Variants in ITFG2 observed in about 807,000 individuals in gnomAD.
The protein encoded by ITFG2 is KICSTOR complex protein ITFG2.
A neutral mutation model predicts 54.4 loss-of-function variants in ITFG2; 36 were observed. That is an observed-to-expected ratio of 0.66 (90% CI 0.51 to 0.87). The LOEUF (loss-of-function observed/expected upper bound fraction) is 0.87, where lower values mean the gene tolerates loss of function less well. Among genes scored for constraint, ITFG2 ranks in the 40% least tolerant of loss-of-function variants. The pLI is 0.00. For missense variants in ITFG2, 524 were observed against 576.7 expected, an observed-to-expected ratio of 0.91 and a Z score of 0.94; for synonymous variants, 211 against 225.4, an observed-to-expected ratio of 0.94 and a Z score of 0.57.
intron 3 of ITFG2, chr12:2,859,066 C>T: frequency 6.2e-7 from 1 of 1,608,080 alleles, no homozygotes; most frequent in Non-Finnish European, 8.5e-7. Flanking sequence ...CTCCAGGATT[C>T]AGGGGTTCTG....
rs1254967323 is a variant in ITFG2, at chr12:2,817,316, A to G, written c.190A>G (p.Met64Val). The G allele has an allele frequency of 6.2e-7, 1 of 1,610,562 alleles. No individual in the cohort carries two copies. The highest frequency in any genetic ancestry group is 8.5e-7 in the Non-Finnish European group (1 of 1,177,362). Residue 64 changes from methionine (M) to valine (V), a missense_variant and splice_region_variant, in exon 2 of 12, where the codon ATG becomes GTG. By Grantham distance (21) the Met-to-Val change is conservative. Transcript: ENST00000228799. The stretch of plus-strand genomic sequence containing the variant: ...ATGGCTCACCTGTTCCTGCCAGGGA[A>G]TGGTCAGTATTCACTTCCCTGGGCC... ...RPWLTCSCQG[M>V]LTCVGVGDVC...
upstream of ITFG2, chr12:2,834,971 A>C: frequency 4.4e-6 from 7 of 1,583,700 alleles, no homozygotes; most frequent in Non-Finnish European, 6.0e-6. Context: ...GAAAGAGGAA[A>C]AATAAATAAC....
chr12:2,854,164 T>G (rs1313797526), intron 2 of ITFG2, among the ~76,000 whole-genome samples: 3 of 152,198 alleles, frequency 2.0e-5, no homozygotes, highest in Non-Finnish European at 4.4e-5. Flanking sequence ...TAGCTGGGAT[T>G]GCAGGCACCC....
chr12:2,854,757 A>G (rs2098081887), intron 2 of ITFG2: 1 of 879,446 alleles, frequency 1.1e-6, no homozygotes, highest in Non-Finnish European at 1.7e-6. Context: ...CCTTCCAGCT[A>G]CACTCAGAAA....
At chr12:2,815,867 TTTTGTTTTGTTTTTTGAGACAGG>T (rs1487269058) in intron 1 of ITFG2, among the ~76,000 whole-genome samples, 3 of 151,960 alleles carry the variant, frequency 2.0e-5, no homozygotes, top group Admixed American at 1.3e-4. Context: ...CAAAAGATTG[TTTTGTTTTGTTTTTTGAGACAGG>T]GTCTTGTTCT....
chr12:2,819,945 G>A, intron 4 of ITFG2, 141 bp from the exon 5 acceptor site: 1 of 1,048,748 alleles, frequency 9.5e-7, no homozygotes, highest in Non-Finnish European at 1.3e-6. Flanking sequence ...ACACAGGCAG[G>A]GGCGGGGGCA....
chr12:2,842,777 T>C (rs1421244905), intron 2 of ITFG2, among the ~76,000 whole-genome samples: 5 of 152,170 alleles, frequency 3.3e-5, no homozygotes, highest in East Asian at 3.9e-4. Flanking sequence ...TGCTCCATTA[T>C]GTTTCTGTTG....
intron 2 of ITFG2, among the ~76,000 whole-genome samples, chr12:2,844,898 C>T (rs1428091355): frequency 6.6e-6 from 1 of 152,212 alleles, no homozygotes; most frequent in Non-Finnish European, 1.5e-5. Context: ...ATCGAAATTC[C>T]TGTCTTGGAA....
downstream of ITFG2, chr12:2,826,256 G>T (rs1222199646): frequency 6.6e-6 from 1 of 152,098 alleles, no homozygotes; most frequent in African/African-American, 2.4e-5. Context: ...CCTGGCAGGG[G>T]GTTAGAAAGC....
upstream of ITFG2, among the ~76,000 whole-genome samples, chr12:2,833,505 G>A (rs2098013475): frequency 6.6e-6 from 1 of 152,050 alleles, no homozygotes; most frequent in African/African-American, 2.4e-5. Flanking sequence ...GAAAGGCGAG[G>A]TGCTGCACTG....
At chr12:2,830,616 C>T in intron 2 of ITFG2, 1 of 1,356,184 alleles carries the variant, frequency 7.4e-7, no homozygotes, top group Non-Finnish European at 1.0e-6. Context: ...TCCCTCCCTC[C>T]CTCTCCCATC....
At chr12:2,828,544 C>T, downstream of ITFG2, 1 of 780,296 alleles carries the variant, frequency 1.3e-6, no homozygotes, top group South Asian at 1.6e-5. Context: ...GTCTTTAAAA[C>T]TGGCTTTTAT....
At chr12:2,827,903 C>G (rs116527071), downstream of ITFG2, 4,665 of 1,613,692 alleles carry the variant, frequency 2.9e-3, 121 homozygotes, top group African/African-American at 0.055. The surrounding 1 kb of genome is among the most constrained non-coding windows in gnomAD (Gnocchi z 4.0). Flanking sequence ...AGCACCAGGG[C>G]TGTTGCAGAA....
At chr12:2,844,412 A>G (rs1468668592) in intron 2 of ITFG2, among the ~76,000 whole-genome samples, 1 of 151,746 alleles carries the variant, frequency 6.6e-6, no homozygotes, top group African/African-American at 2.4e-5. Flanking sequence ...AAATTAGCTG[A>G]GCATAGCGGT....
intron 2 of ITFG2, chr12:2,817,705 C>G: frequency 1.9e-6 from 1 of 535,224 alleles, no homozygotes; most frequent in South Asian, 3.1e-5. Flanking sequence ...TCTTAACCGC[C>G]TCAGGTCTTC....
In ITFG2 at chr12:2,851,061, G is replaced by A. The variant is rs1456232370; in HGVS notation, n.301-6951G>A. Among the ~76,000 whole-genome samples, 61 of 147,162 alleles carry A rather than the reference G, an allele frequency of 4.1e-4. 1 individual carries two copies. Among genetic ancestry groups the A allele is most frequent in the African/African-American group, 1.5e-3 (61 of 39,520 alleles). ...ACGTGCCTGTAATCCCAGCTACTTG[G>A]GAGGCTGAGCCAGGAGAATCGCTTG... On this transcript the variant is annotated intron_variant and non_coding_transcript_variant, in intron 2 of 3. Coordinates refer to the ITFG2 transcript ENST00000537710.
At position 2,853,282 on chromosome 12, in the gene ITFG2, G is replaced by GT. The variant is rs1293192338; in HGVS notation, n.301-4719dup. 3.4e-3 allele frequency among the ~76,000 whole-genome samples: 493 copies of GT among 146,278 alleles called. 1 individual carries two copies. Among genetic ancestry groups the GT allele is most frequent in the Non-Finnish European group, 6.0e-3 (398 of 66,064 alleles). ...CAAAGTCACCAACCTTTGGTTTTTT[G>GT]TTTTTTTTTTTAAACAAAGTCTCGC... On this transcript the variant is annotated intron_variant and non_coding_transcript_variant, in intron 2 of 3. Coordinates refer to the ITFG2 transcript ENST00000537710.
At chr12:2,836,163 C>G (rs530908544), upstream of ITFG2, among the ~76,000 whole-genome samples, 88 of 152,330 alleles carry the variant, frequency 5.8e-4, no homozygotes, top group African/African-American at 1.9e-3. Context: ...CTGGGGCATC[C>G]CATATACAGC....
chr12:2,837,493 TG>T (rs1407668137), intron 1 of ITFG2, among the ~76,000 whole-genome samples: 3 of 149,762 alleles, frequency 2.0e-5, no homozygotes, highest in Admixed American at 6.6e-5. Flanking sequence ...AAAAATTAGC[TG>T]GGCATGGTGG....
Sources: gnomAD v4.1 joint callset for allele counts (sites outside exome capture counted in the v4.1 genomes callset) on GRCh38, gnomAD v4.1.1 for gene constraint, Gnocchi (gnomAD v3.1) non-coding constraint, MANE v1.5 for transcripts, NCBI Gene and HGNC (gene_info 2026-07-23, HGNC 2026-07-21) for gene names.